Variants in RGS9 observed in about 807,000 individuals in gnomAD.
The protein encoded by RGS9 is regulator of G-protein signalling 9.
RGS9 carries 78 observed loss-of-function variants against 102.0 expected under a neutral mutation model. The observed-to-expected ratio is 0.76, with a 90% CI of 0.64 to 0.92. RGS9 has a LOEUF of 0.92. Ranked by LOEUF, RGS9 falls within the 40% of genes least tolerant of loss-of-function variation. RGS9 has a pLI of 0.00. For synonymous variants in RGS9, 353 were observed against 318.6 expected, an observed-to-expected ratio of 1.11 and a Z score of -1.15; for missense variants, 833 against 866.1, an observed-to-expected ratio of 0.96 and a Z score of 0.48.
Position 65,225,099 on chromosome 17 carries a change from C to A in RGS9, c.1505C>A (p.Ser502Tyr), listed in dbSNP as rs2144134802. The A allele has an allele frequency of 6.2e-7, 1 of 1,613,924 alleles. No homozygotes were observed. Among genetic ancestry groups the A allele is most frequent in the African/African-American group, 1.3e-5 (1 of 75,048 alleles). Residue 502 changes from serine to tyrosine, a missense_variant, in exon 18 of 19, where the codon TCC (serine) becomes TAC (tyrosine). Ser to Tyr is a moderately radical substitution (Grantham distance 144). Coordinates refer to ENST00000262406, the MANE Select transcript of RGS9 (RefSeq NM_003835.4). The stretch of plus-strand genomic sequence containing the variant: ...AGCCCCTTCTCCTCCTCCTGCCGCT[C>A]CCCCAGGAAGCCTTTCGCCTCACCC... ...PSSPFSSSCR[S>Y]PRKPFASPSR...
chr17:65,215,178 G>C (rs1214779149), intron 17 of RGS9, among the ~76,000 whole-genome samples: 1 of 152,166 alleles, frequency 6.6e-6, no homozygotes, highest in Non-Finnish European at 1.5e-5. Flanking sequence ...TCTGTCAAGA[G>C]GAAGGTGTGG....
chr17:65,183,009 G>T (rs190674369), intron 9 of RGS9, among the ~76,000 whole-genome samples: 9 of 151,588 alleles, frequency 5.9e-5, no homozygotes, highest in Admixed American at 1.3e-4. Flanking sequence ...TCACATGATC[G>T]CAATCTTAAA....
rs956703171 is a variant in RGS9 at position 65,212,073 on chromosome 17, A to T, written c.1407+1468A>T. ...CTTCTCCCAGCAGTCTTGCCTAGGC[A>T]GAATCCCATGCTGAAGACTGAATTG... On this transcript the variant is annotated intron_variant, in intron 17 of 18. Transcript: ENST00000262406. Among the ~76,000 whole-genome samples the T allele has an allele frequency of 2.0e-5, 3 of 152,382 alleles. No individual in the cohort carries two copies. The East Asian group carries it at 5.8e-4, about 29-fold the overall frequency.
rs757795691 is a variant in RGS9, at chr17:65,204,252, G to C, written c.1154G>C (p.Arg385Pro). 1.2e-6 allele frequency: 2 copies of C among 1,613,646 alleles called. No individual in the cohort carries two copies. Among genetic ancestry groups the C allele is most frequent in the South Asian group, 2.2e-5 (2 of 91,046 alleles). The change falls in exon 15 of 19, where the codon CGC (arginine) becomes CCC (proline). Residue 385 changes from arginine (R) to proline (P), a missense_variant. This residue lies in a region of RGS9 where 185 missense variants were observed against 248.7 expected (regional missense o/e 0.74). Transcript: ENST00000262406. ...GTGAAGGGGCTGAAGCACCCCCACC[G>C]CTATGTGCTGGACGCCGCACAAACC... ...ITVKGLKHPHRYVLDAAQTHI... is the reference protein window; with the variant it reads ...ITVKGLKHPHPYVLDAAQTHI...
Position 65,177,996 on chromosome 17 carries a change from G to T in RGS9, c.654+193G>T, listed in dbSNP as rs144497935. Among the ~76,000 whole-genome samples, 1,181 of 152,278 alleles carry T rather than the reference G, an allele frequency of 7.8e-3. 22 individuals are homozygous for T. The highest frequency in any genetic ancestry group is 0.027 in the African/African-American group (1,133 of 41,548). On this transcript the variant is annotated intron_variant, in intron 9 of 18. Coordinates refer to ENST00000262406, the MANE Select transcript of RGS9 (RefSeq NM_003835.4). ...ACCATGGCAGGATGCTAGGTGAGAA[G>T]AAATTACGACTGAAGACAGACAGAG...
chr17:65,201,918 T>G (rs756372382), intron 13 of RGS9, 75 bp from the exon 14 acceptor site: 8 of 929,242 alleles, frequency 8.6e-6, no homozygotes, highest in Non-Finnish European at 1.3e-5. Flanking sequence ...TTGACTCATT[T>G]CTTTTATTTC....
At chr17:65,193,878 G>C (rs1327720136) in intron 12 of RGS9, among the ~76,000 whole-genome samples, 2 of 152,082 alleles carry the variant, frequency 1.3e-5, no homozygotes, top group East Asian at 3.9e-4. Context: ...GGATTTGTCT[G>C]TCTGGACATT....
At chr17:65,157,096 G>A (rs1910796160) in intron 2 of RGS9, among the ~76,000 whole-genome samples, 1 of 151,690 alleles carries the variant, frequency 6.6e-6, no homozygotes, top group South Asian at 2.1e-4. Context: ...CCTCCGAGGA[G>A]GGAAGTATCA....
intron 6 of RGS9, 32 bp from the exon 7 acceptor site, chr17:65,162,981 C>T: frequency 8.2e-7 from 1 of 1,216,238 alleles, no homozygotes; most frequent in Non-Finnish European, 1.2e-6. Flanking sequence ...TGTCTTGGGG[C>T]TTTCTGTTCT....
chr17:65,216,195 G>A (rs1913517250), intron 17 of RGS9, among the ~76,000 whole-genome samples: 1 of 152,212 alleles, frequency 6.6e-6, no homozygotes. Flanking sequence ...ATGATAGATT[G>A]AAAACTAATT....
At chr17:65,166,680 A>G (rs79342934) in intron 7 of RGS9, among the ~76,000 whole-genome samples, 3,120 of 152,320 alleles carry the variant, frequency 0.02, 126 homozygotes, top group African/African-American at 0.071. Flanking sequence ...AGAAGAGCAA[A>G]GCCGGAAAGG....
chr17:65,159,285 A>G (rs1420259239), intron 3 of RGS9, among the ~76,000 whole-genome samples: 1 of 152,098 alleles, frequency 6.6e-6, no homozygotes, highest in Admixed American at 6.6e-5. Context: ...ACCCAGGTGA[A>G]ATAAACAGCC....
chr17:65,225,600 C>T (rs374823976), intron 18 of RGS9, 114 bp downstream of exon 18: 28 of 1,469,824 alleles, frequency 1.9e-5, no homozygotes, highest in Non-Finnish European at 2.4e-5. Flanking sequence ...AACAGATACC[C>T]CAGGCAGCCC....
At chr17:65,178,835 T>C (rs940016348) in intron 9 of RGS9, among the ~76,000 whole-genome samples, 8 of 152,194 alleles carry the variant, frequency 5.3e-5, no homozygotes, top group African/African-American at 1.9e-4. Flanking sequence ...GAAGCTGTCC[T>C]GTGCATTTTA....
intron 7 of RGS9, among the ~76,000 whole-genome samples, chr17:65,167,092 A>AT (rs1911215663): frequency 6.6e-6 from 1 of 152,236 alleles, no homozygotes; most frequent in African/African-American, 2.4e-5. Context: ...CGGCGGGATC[A>AT]TTAGTGTTAC....
Position 65,225,085 on chromosome 17 carries a change from C to T in RGS9, c.1491C>T (p.Ser497=), listed in dbSNP as rs1905576543. 1 of 1,614,034 alleles carries T rather than the reference C, an allele frequency of 6.2e-7. No homozygotes were observed. Among genetic ancestry groups the T allele is most frequent in the South Asian group, 1.1e-5 (1 of 91,086 alleles). ...CMPPSPSSPF[S]SSCRSPRKPF... is the part of the protein sequence containing the mutation. ...CCCCGTCTCCTTCTAGCCCCTTCTC[C>T]TCCTCCTGCCGCTCCCCCAGGAAGC... Residue 497 remains serine (S), a synonymous_variant, in exon 18 of 19, where the codon TCC becomes TCT. Coordinates refer to ENST00000262406, the MANE Select transcript of RGS9 (RefSeq NM_003835.4).
At chr17:65,214,314 A>G (rs1913411776) in intron 17 of RGS9, among the ~76,000 whole-genome samples, 2 of 152,348 alleles carry the variant, frequency 1.3e-5, no homozygotes, top group South Asian at 4.1e-4. Flanking sequence ...GGTGAGTGCT[A>G]TGGTGGATAC....
chr17:65,208,811 G>T (rs1435745362), intron 16 of RGS9, among the ~76,000 whole-genome samples: 1 of 152,040 alleles, frequency 6.6e-6, no homozygotes, highest in Non-Finnish European at 1.5e-5. Flanking sequence ...TCAAAAGGGG[G>T]ATGGCCGGAC....
At chr17:65,149,967 T>C (rs879754501) in intron 1 of RGS9, among the ~76,000 whole-genome samples, 4 of 152,210 alleles carry the variant, frequency 2.6e-5, no homozygotes, top group Admixed American at 1.3e-4. Flanking sequence ...TTGTAAATTG[T>C]AATGAGCCAG....
Sources: allele counts gnomAD v4.1 joint callset (sites outside exome capture counted in the v4.1 genomes callset), GRCh38; gene constraint gnomAD v4.1.1; regional missense constraint gnomAD v4.1.1; transcripts MANE v1.5; gene names NCBI Gene and HGNC (gene_info 2026-07-23, HGNC 2026-07-21).